ATAD2B: variants seen among roughly 807,000 people sequenced by gnomAD.
ATAD2B encodes ATPase family AAA domain-containing protein 2B.
A neutral mutation model predicts 167.6 loss-of-function variants in ATAD2B; 40 were observed. That is an observed-to-expected ratio of 0.24 (90% CI 0.19 to 0.31). The LOEUF is 0.31. Ranked by LOEUF, ATAD2B falls within the 10% of genes least tolerant of loss-of-function variation. The probability of loss-of-function intolerance (pLI) is 1.00; values close to 1 mark genes in which losing one functional copy is unlikely to be tolerated. For missense variants in ATAD2B, 1,242 were observed against 1,757.2 expected, an observed-to-expected ratio of 0.71 and a Z score of 5.24; for synonymous variants, 579 against 596.5, an observed-to-expected ratio of 0.97 and a Z score of 0.43.
chr2:23,916,294 T>C (rs986834677), intron 1 of ATAD2B, among the ~76,000 whole-genome samples: 1 of 152,266 alleles, frequency 6.6e-6, no homozygotes, highest in Non-Finnish European at 1.5e-5. Flanking sequence ...GGAAAAAGTT[T>C]CCTAACACTA....
chr2:23,802,826 A>G (rs966693027), intron 18 of ATAD2B, among the ~76,000 whole-genome samples: 8 of 152,108 alleles, frequency 5.3e-5, no homozygotes, highest in Non-Finnish European at 7.4e-5. Flanking sequence ...TATTCAACCA[A>G]AAAGAATTTC....
At chr2:23,767,396 C>T (rs999753626) in intron 22 of ATAD2B, among the ~76,000 whole-genome samples, 2 of 152,118 alleles carry the variant, frequency 1.3e-5, no homozygotes, top group Non-Finnish European at 1.5e-5. Flanking sequence ...TCCAAGTGGG[C>T]GCCCACCATT....
Position 23,836,217 on chromosome 2 carries a change from G to A in ATAD2B, c.1569-2139C>T, listed in dbSNP as rs1437724467. On this transcript the variant is annotated intron_variant, in intron 13 of 27. Transcript: ENST00000238789. ...CACACAGTCTGGCATGCCGGCTGCT[G>A]CACCGGGGCGGGCAGCTCCAGGTGT... is the stretch of plus-strand genomic sequence containing the variant. 2.6e-5 allele frequency among the ~76,000 whole-genome samples: 4 copies of A among 152,220 alleles called. No homozygotes were observed. The East Asian group carries it at 7.7e-4, about 29-fold the overall frequency.
intron 8 of ATAD2B, chr2:23,872,459 C>T (rs1406233569): frequency 2.2e-5 from 16 of 731,976 alleles, no homozygotes; most frequent in Non-Finnish European, 3.8e-5. Context: ...CCATGCACTG[C>T]AATCAGCACC....
intron 8 of ATAD2B, among the ~76,000 whole-genome samples, chr2:23,873,671 G>A (rs1469180348): frequency 6.6e-6 from 1 of 152,100 alleles, no homozygotes; most frequent in Non-Finnish European, 1.5e-5. Flanking sequence ...TTCGAGGTGT[G>A]GTTGGTTGCA....
the ATAD2B span, among the ~76,000 whole-genome samples, chr2:23,716,222 A>G: frequency 6.6e-6 from 1 of 152,336 alleles, no homozygotes; most frequent in South Asian, 2.1e-4. Context: ...TGTAGATCCC[A>G]TATTATAGAC....
intron 13 of ATAD2B, among the ~76,000 whole-genome samples, chr2:23,834,598 T>C (rs1440717158): frequency 1.3e-5 from 2 of 149,604 alleles, no homozygotes; most frequent in Admixed American, 1.3e-4. Context: ...AAAAAAAAAA[T>C]GGACTTCATC....
intron 2 of ATAD2B, among the ~76,000 whole-genome samples, chr2:23,892,818 G>A (rs190037155): frequency 2.4e-4 from 37 of 152,206 alleles, no homozygotes; most frequent in Middle Eastern, 3.4e-3. Context: ...GTATCTTAGA[G>A]TATGCGTATT....
intron 1 of ATAD2B, among the ~76,000 whole-genome samples, chr2:23,906,290 G>A (rs988816728): frequency 1.1e-4 from 17 of 151,830 alleles, no homozygotes; most frequent in East Asian, 7.7e-4. Flanking sequence ...GCAGTGAGCC[G>A]AGGTGGCACC....
At chr2:23,724,923 G>A in the ATAD2B span, among the ~76,000 whole-genome samples, 1 of 151,432 alleles carries the variant, frequency 6.6e-6, no homozygotes, top group Non-Finnish European at 1.5e-5. Context: ...GGCGCCTGTA[G>A]TCCCAGCTAC....
chr2:23,854,673 C>T (rs895909584), intron 13 of ATAD2B, among the ~76,000 whole-genome samples: 7 of 142,812 alleles, frequency 4.9e-5, no homozygotes, highest in African/African-American at 1.8e-4. Flanking sequence ...ATCGAGACTT[C>T]GTCTCAAAAA....
intron 13 of ATAD2B, among the ~76,000 whole-genome samples, chr2:23,842,840 T>C (rs1691142528): frequency 1.3e-5 from 2 of 152,146 alleles, no homozygotes; most frequent in African/African-American, 4.8e-5. Flanking sequence ...AGAAACTGAA[T>C]GCATTTCAAG....
chr2:23,768,110 T>C (rs146417990), intron 22 of ATAD2B, among the ~76,000 whole-genome samples: 83 of 152,322 alleles, frequency 5.4e-4, no homozygotes, highest in African/African-American at 2.0e-3. Flanking sequence ...TATTAACATA[T>C]TGTACTTCCC....
chr2:23,790,141 C>T (rs1276898310), intron 19 of ATAD2B, among the ~76,000 whole-genome samples: 1 of 152,158 alleles, frequency 6.6e-6, no homozygotes, highest in Non-Finnish European at 1.5e-5. Context: ...AGTAAATTTA[C>T]TACTGAACAT....
At chr2:23,849,110 T>C (rs1388103606) in intron 13 of ATAD2B, among the ~76,000 whole-genome samples, 1 of 151,942 alleles carries the variant, frequency 6.6e-6, no homozygotes, top group East Asian at 1.9e-4. Flanking sequence ...GGAAATGAAA[T>C]GATCCCCAAT....
chr2:23,912,260 G>A (rs574524983), intron 1 of ATAD2B, among the ~76,000 whole-genome samples: 12 of 152,262 alleles, frequency 7.9e-5, no homozygotes, highest in Admixed American at 6.5e-4. Flanking sequence ...ACTTAGGAAG[G>A]CCAAGGTGGG....
intron 13 of ATAD2B, among the ~76,000 whole-genome samples, chr2:23,855,001 T>C (rs555546213): frequency 3.3e-5 from 5 of 151,972 alleles, no homozygotes; most frequent in Non-Finnish European, 7.4e-5. Context: ...TCGAGACCAG[T>C]CTGGCCAACA....
chr2:23,738,901 T>C, the ATAD2B span, among the ~76,000 whole-genome samples: 2 of 152,132 alleles, frequency 1.3e-5, no homozygotes, highest in Non-Finnish European at 2.9e-5. Context: ...GTTGCAATCC[T>C]AGTCTCTGAT....
the ATAD2B span, among the ~76,000 whole-genome samples, chr2:23,708,820 C>T: frequency 5.3e-5 from 8 of 152,180 alleles, no homozygotes; most frequent in African/African-American, 1.4e-4. Flanking sequence ...CTTGCAAACA[C>T]GCTGGCACTG....
Sources: gnomAD v4.1 joint callset for allele counts (sites outside exome capture counted in the v4.1 genomes callset) on GRCh38, gnomAD v4.1.1 for gene constraint, MANE v1.5 for transcripts, NCBI Gene and HGNC (gene_info 2026-07-23, HGNC 2026-07-21) for gene names.